Variants in CLYBL observed in about 807,000 individuals in gnomAD.
CLYBL encodes citramalyl-CoA lyase, mitochondrial.
In CLYBL, 31 loss-of-function variants were observed where a neutral mutation model predicts 38.9. The ratio of observed to expected loss-of-function variants is 0.80; its 90% CI spans 0.60 to 1.08. The LOEUF (loss-of-function observed/expected upper bound fraction) is 1.08. Ranked by LOEUF, CLYBL falls within the 50% of genes least tolerant of loss-of-function variation. CLYBL has a pLI of 0.00. For missense variants in CLYBL, 434 were observed against 411.6 expected, an observed-to-expected ratio of 1.05 and a Z score of -0.47; for synonymous variants, 171 against 158.6, an observed-to-expected ratio of 1.08 and a Z score of -0.59.
chr13:99,867,315 G>A (rs1038298748), intron 6 of CLYBL, among the ~76,000 whole-genome samples: 2 of 152,162 alleles, frequency 1.3e-5, no homozygotes, highest in African/African-American at 4.8e-5. Context: ...ATATATCTAG[G>A]TAGCGGTTAC....
chr13:99,819,416 TTA>T (rs71715024), intron 2 of CLYBL, among the ~76,000 whole-genome samples: 374 of 18,314 alleles, frequency 0.02, no homozygotes, highest in Middle Eastern at 0.062. Flanking sequence ...GGGAAAAAAT[TTA>T]TATATATATA....
intron 2 of CLYBL, among the ~76,000 whole-genome samples, chr13:99,796,813 G>C (rs185307476): frequency 1.3e-5 from 2 of 152,168 alleles, no homozygotes; most frequent in African/African-American, 2.4e-5. Flanking sequence ...AGACACAGTA[G>C]TGTAGACTGG....
At chr13:99,784,454 T>C (rs983494900) in intron 2 of CLYBL, among the ~76,000 whole-genome samples, 3 of 73,626 alleles carry the variant, frequency 4.1e-5, no homozygotes, top group African/African-American at 2.0e-4. Context: ...TCTCTCTTTT[T>C]TTTTTTTTTT....
At chr13:99,862,595 G>A (rs1011324367) in intron 3 of CLYBL, among the ~76,000 whole-genome samples, 4 of 152,178 alleles carry the variant, frequency 2.6e-5, no homozygotes, top group Non-Finnish European at 4.4e-5. Context: ...TGCTGGGCAC[G>A]AAACAAAAAC....
intron 7 of CLYBL, among the ~76,000 whole-genome samples, chr13:99,890,567 G>A (rs751363770): frequency 6.6e-6 from 1 of 152,150 alleles, no homozygotes; most frequent in Non-Finnish European, 1.5e-5. Context: ...CTGGGTTCAA[G>A]CAATTCTTCT....
At chr13:99,693,430 C>G (rs1160306310) in intron 1 of CLYBL, among the ~76,000 whole-genome samples, 1 of 151,990 alleles carries the variant, frequency 6.6e-6, no homozygotes, top group East Asian at 1.9e-4. Flanking sequence ...GACAGCTTAT[C>G]AGGAATGGAG....
At chr13:99,817,667 AAAAAAAGAAAAG>A (rs2050484730) in intron 2 of CLYBL, among the ~76,000 whole-genome samples, 1 of 149,920 alleles carries the variant, frequency 6.7e-6, no homozygotes, top group South Asian at 2.1e-4. Context: ...AAAAAAAAAA[AAAAAAAGAAAAG>A]AAAAAAGAAA....
intron 7 of CLYBL, among the ~76,000 whole-genome samples, chr13:99,889,979 G>A (rs894992008): frequency 1.3e-5 from 2 of 152,214 alleles, no homozygotes; most frequent in Non-Finnish European, 2.9e-5. Context: ...AGTCACACCA[G>A]CATCCTTGCC....
intron 1 of CLYBL, among the ~76,000 whole-genome samples, chr13:99,770,792 G>C (rs1365829749): frequency 6.6e-6 from 1 of 151,824 alleles, no homozygotes; most frequent in African/African-American, 2.4e-5. Flanking sequence ...TGCGATCTCC[G>C]CTCACTGCAA....
chr13:99,632,914 A>G (rs1223788865), intron 1 of CLYBL, among the ~76,000 whole-genome samples: 4 of 152,186 alleles, frequency 2.6e-5, no homozygotes, highest in Non-Finnish European at 4.4e-5. Flanking sequence ...TGTATACACA[A>G]TGAATGAACA....
rs562287378 is a variant in CLYBL at position 99,649,122 on chromosome 13, T to C, written c.62+42365T>C. On this transcript the variant is annotated intron_variant, in intron 1 of 8. Transcript: ENST00000339105. ...ATGTACATCAGATTCTGCCTGTGCA[T>C]AGTAAAAATGGCAATGATTTATTAG... Among the ~76,000 whole-genome samples the C allele has an allele frequency of 2.0e-5, 3 of 152,216 alleles. No homozygotes were observed. In the South Asian group the frequency reaches 6.2e-4, roughly 32 times the overall value.
chr13:99,710,881 C>T (rs2806288), intron 1 of CLYBL, among the ~76,000 whole-genome samples: 1,546 of 83,860 alleles, frequency 0.018, 30 homozygotes, highest in African/African-American at 0.08. Flanking sequence ...TTTCTAACCC[C>T]TTTTTTTTTT....
Position 99,865,057 on chromosome 13 carries a change from G to A in CLYBL, c.634+146G>A. 1.4e-6 allele frequency: 1 copy of A among 695,778 alleles called. No individual in the cohort carries two copies. Among genetic ancestry groups the A allele is most frequent in the Non-Finnish European group, 2.7e-6 (1 of 373,516 alleles). The allele number at this position is 695,778 out of a possible 1,614,324, so 43.1% of individuals were successfully genotyped here. ...CAATGGTTTTTCATGACAATGGAAT[G>A]GACACTACTTCCTGATAATTTAGGG... On this transcript the variant is annotated intron_variant, in intron 5 of 8. Transcript: ENST00000339105. The surrounding 1 kb of genome is among the most constrained non-coding windows in gnomAD (Gnocchi z 4.7).
At chr13:99,883,914 G>A (rs1276885060) in intron 7 of CLYBL, among the ~76,000 whole-genome samples, 2 of 152,132 alleles carry the variant, frequency 1.3e-5, no homozygotes, top group Non-Finnish European at 2.9e-5. Flanking sequence ...GCAGCTCCTT[G>A]GCCCTGAAGC....
chr13:99,620,561 G>T (rs534546001), intron 1 of CLYBL, among the ~76,000 whole-genome samples: 3 of 152,326 alleles, frequency 2.0e-5, no homozygotes, highest in South Asian at 4.1e-4. Flanking sequence ...CGGATCACGA[G>T]GTCAGGAGTT....
intron 1 of CLYBL, among the ~76,000 whole-genome samples, chr13:99,675,663 A>G (rs552865905): frequency 6.6e-6 from 1 of 152,316 alleles, no homozygotes; most frequent in Admixed American, 6.5e-5. Context: ...CACTTAGTAT[A>G]ATGTTTTCAA....
chr13:99,812,233 C>G (rs949740915), intron 2 of CLYBL, among the ~76,000 whole-genome samples: 1 of 152,140 alleles, frequency 6.6e-6, no homozygotes, highest in Non-Finnish European at 1.5e-5. Context: ...ACACATTTGT[C>G]TAGAGTTTTC....
At chr13:99,636,475 G>A (rs1039579239) in intron 1 of CLYBL, among the ~76,000 whole-genome samples, 1 of 152,106 alleles carries the variant, frequency 6.6e-6, no homozygotes, top group African/African-American at 2.4e-5. Context: ...GGCCTCCAGT[G>A]CCTTCTGCAC....
chr13:99,810,419 G>A (rs527334510), intron 2 of CLYBL, among the ~76,000 whole-genome samples: 1 of 152,312 alleles, frequency 6.6e-6, no homozygotes, highest in Admixed American at 6.5e-5. Context: ...GGTACAGTGG[G>A]GAGTGGAGCA....
Sources: allele counts gnomAD v4.1 joint callset (sites outside exome capture counted in the v4.1 genomes callset), GRCh38; gene constraint gnomAD v4.1.1; non-coding constraint Gnocchi (gnomAD v3.1); transcripts MANE v1.5; gene names NCBI Gene and HGNC (gene_info 2026-07-23, HGNC 2026-07-21).